HTRA1: variants seen among roughly 807,000 people sequenced by gnomAD.
HTRA1 encodes serine protease HTRA1.
A neutral mutation model predicts 49.7 loss-of-function variants in HTRA1; 26 were observed. That is an observed-to-expected ratio of 0.52 (90% confidence interval 0.38 to 0.73). HTRA1 has a LOEUF of 0.73. Ranked by LOEUF, HTRA1 falls within the 30% of genes least tolerant of loss-of-function variation. The pLI, the probability that HTRA1 is intolerant of heterozygous loss-of-function variation, is 0.00. For synonymous variants in HTRA1, 291 were observed against 286.9 expected (o/e 1.01, Z -0.14); for missense variants, 561 against 667.2 (o/e 0.84, Z 1.75).
chr10:122,473,443 G>A (rs556165331), intron 1 of HTRA1, among the ~76,000 whole-genome samples: 1 of 152,188 alleles, frequency 6.6e-6, no homozygotes, highest in Non-Finnish European at 1.5e-5. Flanking sequence ...GTTTTGAAAA[G>A]TGATGAAAAT....
chr10:122,512,122 C>A, intron 8 of HTRA1, 57 bp downstream of exon 8: 1 of 1,230,950 alleles, frequency 8.1e-7, no homozygotes, highest in Non-Finnish European at 1.2e-6. Context: ...GTGGGGGTAG[C>A]AGGAAGAGGG....
chr10:122,506,675 G>C lies in HTRA1; in HGVS notation c.778-16G>C, dbSNP rs187664854. ...AAATTAAACCAACTCAGCAACGCCA[G>C]CCATTGTGGTTTCAGGGCAAGCTGC... On this transcript the variant is annotated splice_polypyrimidine_tract_variant and intron_variant, in intron 3 of 8. Coordinates refer to ENST00000368984, the MANE Select transcript of HTRA1 (RefSeq NM_002775.5). This position sits in a 1 kb window ranked among gnomAD's most constrained non-coding sequence, Gnocchi z 5.2. 7 of 1,609,674 alleles carry C rather than the reference G, an allele frequency of 4.3e-6. No individual in the cohort carries two copies. The African/African-American group carries it at 9.3e-5, about 21-fold the overall frequency.
At chr10:122,488,340 G>T (rs1448737093) in intron 1 of HTRA1, among the ~76,000 whole-genome samples, 1 of 152,152 alleles carries the variant, frequency 6.6e-6, no homozygotes, top group Non-Finnish European at 1.5e-5. Context: ...GGCCGAGGCA[G>T]GTGGATCACC....
rs760560992 is a variant in HTRA1 at position 122,488,967 on chromosome 10, G to A, written c.538G>A (p.Ala180Thr). ...TATCGCGGACGTGGTGGAGAAGATCGCCCCTGCCGTGGTTCATATCGAATT... is the reference window on the plus strand; with the variant it reads ...TATCGCGGACGTGGTGGAGAAGATCACCCCTGCCGTGGTTCATATCGAATT... ...NFIADVVEKI[A>T]PAVVHIELFR... The change falls in exon 2 of 9, where the codon GCC becomes ACC. Residue 180 changes from alanine (A) to threonine (T), a missense_variant. Ala to Thr is a moderately conservative substitution (Grantham distance 58, BLOSUM62 0). This residue lies in a region of HTRA1 where 271 missense variants were observed against 410.0 expected (regional missense o/e 0.66). Transcript: ENST00000368984. The A allele has an allele frequency of 3.7e-6, 6 of 1,613,998 alleles. No homozygotes were observed. Among genetic ancestry groups the A allele is most frequent in the South Asian group, 2.2e-5 (2 of 91,066 alleles).
At chr10:122,469,222 GTT>G (rs3831805) in intron 1 of HTRA1, among the ~76,000 whole-genome samples, 1 of 151,082 alleles carries the variant, frequency 6.6e-6, no homozygotes, top group Non-Finnish European at 1.5e-5. Flanking sequence ...GTGATGAGCT[GTT>G]TTTTTTTCTC....
intron 3 of HTRA1, among the ~76,000 whole-genome samples, chr10:122,501,450 T>C (rs909732525): frequency 3.3e-5 from 5 of 152,226 alleles, no homozygotes; most frequent in Non-Finnish European, 7.3e-5. Context: ...TAAACATTGT[T>C]AGGTGCTTGT....
rs1212913903 is a variant in HTRA1 at position 122,487,044 on chromosome 10, A to T, written c.473-1858A>T. Among the ~76,000 whole-genome samples, 2 of 152,162 alleles carry T rather than the reference A, an allele frequency of 1.3e-5. No homozygotes were observed. Among genetic ancestry groups the T allele is most frequent in the African/African-American group, 4.8e-5 (2 of 41,420 alleles). ...GGCCTGTTGGTAAATGAGACACAAA[A>T]TACCTACAAAATACAAAATGTGAGA... On this transcript the variant is annotated intron_variant, in intron 1 of 8. Transcript: ENST00000368984. The surrounding 1 kb of genome is among the most constrained non-coding windows in gnomAD (Gnocchi z 4.8).
At chr10:122,492,355 A>T (rs1190716154) in intron 3 of HTRA1, among the ~76,000 whole-genome samples, 1 of 152,100 alleles carries the variant, frequency 6.6e-6, no homozygotes, top group Non-Finnish European at 1.5e-5. Context: ...TTATGTTTTG[A>T]GACAGAGTTT....
At chr10:122,477,650 G>C (rs1486129378) in intron 1 of HTRA1, among the ~76,000 whole-genome samples, 3 of 152,208 alleles carry the variant, frequency 2.0e-5, no homozygotes, top group Non-Finnish European at 4.4e-5. Context: ...CTGCCAGAGA[G>C]AGCGGCAGTG....
chr10:122,514,576 T>A lies in HTRA1; in HGVS notation c.*217T>A, dbSNP rs886046773. 9 of 583,342 alleles carry A rather than the reference T, an allele frequency of 1.5e-5. No individual in the cohort carries two copies. In the Admixed American group the frequency reaches 1.6e-4, roughly 10 times the overall value. The allele number at this position is 583,342 out of a possible 1,614,324, so 36.1% of individuals were successfully genotyped here. Reference sequence around the variant, plus strand: ...CAGGCAGAAGCTCTGCCCTTCTGTATCCTATGTATGCAGTGTGCTTTTTCT... The same window carrying A: ...CAGGCAGAAGCTCTGCCCTTCTGTAACCTATGTATGCAGTGTGCTTTTTCT... On this transcript the variant is annotated 3_prime_UTR_variant, in exon 9 of 9. Transcript: ENST00000368984.
At chr10:122,488,726 C>T (rs12267142) in intron 1 of HTRA1, among the ~76,000 whole-genome samples, 176 bp from the exon 2 acceptor site, 1 of 152,180 alleles carries the variant, frequency 6.6e-6, no homozygotes, top group South Asian at 2.1e-4. Flanking sequence ...TGGGTGGGCA[C>T]TCCCTTGGGA....
chr10:122,502,846 C>T (rs970388993), intron 3 of HTRA1, among the ~76,000 whole-genome samples: 4 of 152,216 alleles, frequency 2.6e-5, no homozygotes, highest in African/African-American at 7.2e-5. Context: ...TTGTTTTTGC[C>T]CCGTCACTGC....
At chr10:122,476,675 T>C (rs1323834281) in intron 1 of HTRA1, among the ~76,000 whole-genome samples, 1 of 152,172 alleles carries the variant, frequency 6.6e-6, no homozygotes, top group Non-Finnish European at 1.5e-5. Flanking sequence ...TCTCTGCTAT[T>C]GCACCCCTGC....
chr10:122,461,699 TG>T lies in HTRA1; in HGVS notation c.49del (p.Ala17ArgfsTer198). ...CTTCTCCCGCTGCTGCTGCTGCTGC[TG>T]GCGGCGCCCGCCTCGGCGCAGCTGT... is the stretch of plus-strand genomic sequence containing the variant. Reference protein sequence around the residue: ...AALLPLLLLLLAAPASAQLSR... With the variant: ...AALLPLLLLLXAAPASAQLSR... On this transcript the variant is annotated frameshift_variant, in exon 1 of 9. Transcript: ENST00000368984. LOFTEE classifies it high-confidence loss of function. The T allele has an allele frequency of 7.7e-7, 1 of 1,299,068 alleles. No individual in the cohort carries two copies. The highest frequency in any genetic ancestry group is 9.9e-7 in the Non-Finnish European group (1 of 1,008,090). The allele number at this position is 1,299,068 out of a possible 1,614,324, so 80.5% of individuals were successfully genotyped here. A position where few individuals can be genotyped will look rare whatever the true frequency, so the allele number is the denominator to read the frequency against.
intron 1 of HTRA1, among the ~76,000 whole-genome samples, chr10:122,477,253 C>T (rs2097489045): frequency 6.6e-6 from 1 of 152,140 alleles, no homozygotes; most frequent in African/African-American, 2.4e-5. Context: ...AGGTGTGAGC[C>T]ACCATGCCCG....
intron 1 of HTRA1, among the ~76,000 whole-genome samples, chr10:122,486,888 GTGTA>G (rs1461907802): frequency 6.6e-6 from 1 of 152,066 alleles, no homozygotes; most frequent in East Asian, 1.9e-4. Flanking sequence ...GTAAATGTGG[GTGTA>G]TGTGTGGGTG....
chr10:122,479,803 C>T (rs1252448623), intron 1 of HTRA1, among the ~76,000 whole-genome samples: 1 of 142,168 alleles, frequency 7.0e-6, no homozygotes, highest in Admixed American at 7.3e-5. Flanking sequence ...GCGATGGCTG[C>T]GGGGATCCTG....
chr10:122,508,119 A>G (rs2097503984), intron 5 of HTRA1, among the ~76,000 whole-genome samples: 1 of 152,144 alleles, frequency 6.6e-6, no homozygotes, highest in Non-Finnish European at 1.5e-5. Context: ...GGAAGTGTGC[A>G]CTTGGCAGCT....
chr10:122,480,304 G>A (rs552603684), intron 1 of HTRA1, among the ~76,000 whole-genome samples: 7 of 151,982 alleles, frequency 4.6e-5, no homozygotes, highest in African/African-American at 1.7e-4. Flanking sequence ...CATCCCAGAT[G>A]CTCTGCGTTT....
Sources: gnomAD v4.1 joint callset for allele counts (sites outside exome capture counted in the v4.1 genomes callset) on GRCh38, gnomAD v4.1.1 for gene constraint, gnomAD v4.1.1 regional missense constraint, Gnocchi (gnomAD v3.1) non-coding constraint, MANE v1.5 for transcripts, NCBI Gene and HGNC (gene_info 2026-07-23, HGNC 2026-07-21) for gene names.